The following SLAIN2 variants were observed in gnomAD, a reference collection of about 807,000 sequenced individuals.
SLAIN2 encodes SLAIN motif-containing protein 2.
In SLAIN2, 31 loss-of-function variants were observed where a neutral mutation model predicts 56.6. That is an observed-to-expected ratio of 0.55 (90% CI 0.41 to 0.74). The LOEUF (loss-of-function observed/expected upper bound fraction) is 0.74. Among genes scored for constraint, SLAIN2 ranks in the 30% least tolerant of loss-of-function variants. The pLI is 0.00. For synonymous variants in SLAIN2, 317 were observed against 284.9 expected (o/e 1.11, Z -1.13); for missense variants, 777 against 754.2 (o/e 1.03, Z -0.35).
intron 6 of SLAIN2, among the ~76,000 whole-genome samples, chr4:48,390,224 C>T (rs1443899865): frequency 1.3e-5 from 2 of 151,756 alleles, no homozygotes; most frequent in Admixed American, 6.6e-5. Context: ...ATTACAGGCA[C>T]GCACCACCAT....
At chr4:48,354,497 C>T (rs1225191859) in intron 1 of SLAIN2, among the ~76,000 whole-genome samples, 7 of 151,940 alleles carry the variant, frequency 4.6e-5, no homozygotes, top group African/African-American at 9.7e-5. Flanking sequence ...GGCTGAGTCT[C>T]GCTGTGTTGC....
intron 1 of SLAIN2, among the ~76,000 whole-genome samples, chr4:48,345,848 T>A (rs1012595537): frequency 1.3e-5 from 2 of 152,196 alleles, no homozygotes; most frequent in African/African-American, 4.8e-5. Flanking sequence ...TAAATTGACA[T>A]AATAAATTAC....
intron 6 of SLAIN2, among the ~76,000 whole-genome samples, chr4:48,388,626 TA>T (rs1716159116): frequency 6.6e-6 from 1 of 152,200 alleles, no homozygotes; most frequent in Non-Finnish European, 1.5e-5. Context: ...AGGGAAGTGG[TA>T]AAAGCAAGGC....
chr4:48,358,192 A>G (rs1715212949), intron 1 of SLAIN2, among the ~76,000 whole-genome samples: 1 of 152,234 alleles, frequency 6.6e-6, no homozygotes, highest in African/African-American at 2.4e-5. Context: ...TTATAATAAT[A>G]CATATCTTAT....
In SLAIN2 at chr4:48,425,945, A is replaced by C. The variant is rs1717288140; in HGVS notation, c.*3868A>C. 1 of 152,190 alleles carries C rather than the reference A, an allele frequency of 6.6e-6. No homozygotes were observed. Among genetic ancestry groups the C allele is most frequent in the Non-Finnish European group, 1.5e-5 (1 of 68,026 alleles). The allele number at this position is 152,190 out of a possible 1,614,324, so 9.4% of individuals were successfully genotyped here. On this transcript the variant is annotated 3_prime_UTR_variant, in exon 8 of 8. Transcript: ENST00000264313. Reference sequence around the variant, plus strand: ...CAAATTATCTACATTAAGTCATCTTAATGTTTTCTCTTTAAAAGAAATAAA... The same window carrying C: ...CAAATTATCTACATTAAGTCATCTTCATGTTTTCTCTTTAAAAGAAATAAA...
chr4:48,409,707 A>ATCC (rs1472301244), intron 6 of SLAIN2, among the ~76,000 whole-genome samples: 1 of 152,050 alleles, frequency 6.6e-6, no homozygotes, highest in Non-Finnish European at 1.5e-5. Flanking sequence ...AACATGGTGA[A>ATCC]TCCTCGTCTC....
At chr4:48,393,017 T>C (rs1716276082) in intron 6 of SLAIN2, among the ~76,000 whole-genome samples, 1 of 151,724 alleles carries the variant, frequency 6.6e-6, no homozygotes, top group Admixed American at 6.6e-5. Context: ...AAAACATGTA[T>C]GAATATATAT....
In SLAIN2 at chr4:48,346,052, A is replaced by G. The variant is rs143998035; in HGVS notation, c.389+3924A>G. 2.4e-4 allele frequency among the ~76,000 whole-genome samples: 37 copies of G among 152,350 alleles called. 1 individual carries two copies. In the East Asian group the frequency reaches 6.7e-3, roughly 28 times the overall value. ...TCTGCCTACAAGATTCTTACCTACAATGAAGAATACTACATTACTATCACC... is the reference window on the plus strand; with the variant it reads ...TCTGCCTACAAGATTCTTACCTACAGTGAAGAATACTACATTACTATCACC... On this transcript the variant is annotated intron_variant, in intron 1 of 7. Coordinates refer to ENST00000264313, the MANE Select transcript of SLAIN2 (RefSeq NM_020846.2).
intron 1 of SLAIN2, among the ~76,000 whole-genome samples, chr4:48,364,736 G>A (rs1305640716): frequency 2.2e-5 from 3 of 138,242 alleles, no homozygotes; most frequent in Non-Finnish European, 3.2e-5. Flanking sequence ...GTGGCGGCGC[G>A]TGCCTGCAAT....
chr4:48,372,945 G>A (rs1030413332), intron 2 of SLAIN2, among the ~76,000 whole-genome samples: 1 of 151,880 alleles, frequency 6.6e-6, no homozygotes, highest in African/African-American at 2.4e-5. Context: ...CTTAAGTGCT[G>A]TATTGCAGCA....
intron 6 of SLAIN2, among the ~76,000 whole-genome samples, chr4:48,404,845 C>T (rs1370969490): frequency 3.3e-5 from 5 of 152,118 alleles, no homozygotes; most frequent in Admixed American, 6.5e-5. Context: ...TTTTATTGTT[C>T]CCTGGCCCAC....
intron 4 of SLAIN2, among the ~76,000 whole-genome samples, chr4:48,381,246 G>A (rs749529788): frequency 1.3e-5 from 2 of 152,046 alleles, no homozygotes; most frequent in Non-Finnish European, 2.9e-5. Flanking sequence ...AGAAATTTTA[G>A]TCTTACTTTA....
In SLAIN2 at chr4:48,341,970, C is replaced by T. The variant is rs1714718800; in HGVS notation, c.231C>T (p.Gly77=). ...TGGGCCTCAGCGCCAAGTCGGGCGG[C>T]GGGCCCGGGTCGGGCCCGAGGCGGA... ...FPLGLSAKSG[G]GPGSGPRRTS... Residue 77 remains glycine, a synonymous_variant, in exon 1 of 8, where the codon GGC becomes GGT. Transcript: ENST00000264313. 3 of 1,438,320 alleles carry T rather than the reference C, an allele frequency of 2.1e-6. No homozygotes were observed. The highest frequency in any genetic ancestry group is 3.0e-5 in the East Asian group (1 of 33,550). 89.1% of individuals were successfully genotyped at this position (1,438,320 alleles called of 1,614,324 possible).
At chr4:48,396,076 G>T (rs1376933597) in intron 6 of SLAIN2, among the ~76,000 whole-genome samples, 2 of 152,026 alleles carry the variant, frequency 1.3e-5, no homozygotes, top group South Asian at 4.1e-4. Flanking sequence ...TTGCTGTGTT[G>T]ATCAGGTTAA....
chr4:48,380,191 G>A (rs1025052049), intron 4 of SLAIN2, among the ~76,000 whole-genome samples: 1 of 152,012 alleles, frequency 6.6e-6, no homozygotes, highest in African/African-American at 2.4e-5. Context: ...GTAAACCAGC[G>A]TTTCTCAATT....
intron 6 of SLAIN2, among the ~76,000 whole-genome samples, chr4:48,405,046 A>G (rs1213053048): frequency 6.6e-6 from 1 of 152,232 alleles, no homozygotes; most frequent in Non-Finnish European, 1.5e-5. Flanking sequence ...TGTTGCATTT[A>G]TCTAATAATT....
intron 6 of SLAIN2, among the ~76,000 whole-genome samples, chr4:48,419,100 T>C (rs929346830): frequency 7.4e-6 from 1 of 135,218 alleles, no homozygotes; most frequent in African/African-American, 2.6e-5. Context: ...TAAGCTTTTT[T>C]CTGTTTTCCT....
At chr4:48,351,678 T>TA (rs1380363247) in intron 1 of SLAIN2, among the ~76,000 whole-genome samples, 1 of 152,254 alleles carries the variant, frequency 6.6e-6, no homozygotes, top group Non-Finnish European at 1.5e-5. Context: ...TATATCTTAA[T>TA]TCATCTTCAC....
At chr4:48,367,461 C>G (rs1715549960) in intron 1 of SLAIN2, among the ~76,000 whole-genome samples, 1 of 151,982 alleles carries the variant, frequency 6.6e-6, no homozygotes, top group Admixed American at 6.6e-5. Context: ...GGAGCAAGTA[C>G]AGGAATGGGA....
Sources: gnomAD v4.1 joint callset for allele counts (sites outside exome capture counted in the v4.1 genomes callset) on GRCh38, gnomAD v4.1.1 for gene constraint, MANE v1.5 for transcripts, NCBI Gene and HGNC (gene_info 2026-07-23, HGNC 2026-07-21) for gene names.